GPR89A: variants seen among roughly 807,000 people sequenced by gnomAD.
GPR89A encodes G protein-coupled receptor 89A.
Under a neutral mutation model 52.0 loss-of-function variants are expected in GPR89A, and 16 were observed. The ratio of observed to expected loss-of-function variants is 0.31; its 90% confidence interval spans 0.21 to 0.47. The LOEUF (loss-of-function observed/expected upper bound fraction) is 0.47. Ranked by LOEUF, GPR89A falls within the 20% of genes least tolerant of loss-of-function variation. GPR89A has a pLI of 1.00. For synonymous variants in GPR89A, 55 were observed against 150.9 expected, an observed-to-expected ratio of 0.36 and a Z score of 4.66; for missense variants, 135 against 449.4, an observed-to-expected ratio of 0.30 and a Z score of 6.33.
intron 10 of GPR89A, among the ~76,000 whole-genome samples, chr1:145,661,893 T>A (rs1340929482): frequency 6.6e-6 from 1 of 151,340 alleles, no homozygotes; most frequent in Non-Finnish European, 1.5e-5. Flanking sequence ...TCTTCTTTGA[T>A]TCATGGGTGA....
At chr1:145,632,840 T>C (rs1553690119) in intron 7 of GPR89A, among the ~76,000 whole-genome samples, 1 of 152,132 alleles carries the variant, frequency 6.6e-6, no homozygotes, top group East Asian at 1.9e-4. Context: ...TTCCATAGGG[T>C]TGTGCTAATT....
intron 5 of GPR89A, among the ~76,000 whole-genome samples, chr1:145,628,630 T>C (rs1253975924): frequency 6.6e-6 from 1 of 151,988 alleles, no homozygotes; most frequent in Non-Finnish European, 1.5e-5. Flanking sequence ...CATAGGATTG[T>C]TATGAGGGTT....
chr1:145,632,492 A>T (rs1553690047), intron 7 of GPR89A, among the ~76,000 whole-genome samples: 1 of 152,150 alleles, frequency 6.6e-6, no homozygotes, highest in East Asian at 1.9e-4. Flanking sequence ...AAGTGAGAAC[A>T]TGCAGTATTT....
At chr1:145,614,017 G>C (rs1461129738) in intron 1 of GPR89A, among the ~76,000 whole-genome samples, 4 of 152,062 alleles carry the variant, frequency 2.6e-5, no homozygotes, top group Non-Finnish European at 5.9e-5. Context: ...GAACTCCTGG[G>C]CTCAAGCGAT....
In GPR89A at chr1:145,614,440, C is replaced by T. The variant is rs587668634; in HGVS notation, c.43-1794C>T. Among the ~76,000 whole-genome samples the T allele has an allele frequency of 1.2e-4, 18 of 152,198 alleles. No homozygotes were observed. The South Asian group carries it at 3.5e-3, about 30-fold the overall frequency. On this transcript the variant is annotated intron_variant, in intron 1 of 13. Coordinates refer to ENST00000313835, the MANE Select transcript of GPR89A (RefSeq NM_001097612.2). ...TAACCATCCTATTCATCTTTGTATCCTCAGCACTTAGCATAGCACGTAGGA... is the reference window on the plus strand; with the variant it reads ...TAACCATCCTATTCATCTTTGTATCTTCAGCACTTAGCATAGCACGTAGGA...
intron 10 of GPR89A, among the ~76,000 whole-genome samples, 167 bp from the exon 11 acceptor site, chr1:145,663,162 T>G (rs1457942774): frequency 6.6e-6 from 1 of 152,024 alleles, no homozygotes; most frequent in African/African-American, 2.4e-5. Flanking sequence ...TATATGAGTA[T>G]CCAAAATAGA....
intron 7 of GPR89A, among the ~76,000 whole-genome samples, chr1:145,638,412 AT>A (rs1650388969): frequency 7.4e-6 from 1 of 135,568 alleles, no homozygotes; most frequent in African/African-American, 3.0e-5. Flanking sequence ...AGGCAGGAGA[AT>A]GGCTTGAACC....
intron 10 of GPR89A, among the ~76,000 whole-genome samples, chr1:145,654,446 G>A (rs1334174742): frequency 2.7e-5 from 4 of 150,902 alleles, no homozygotes; most frequent in South Asian, 4.2e-4. Context: ...CTAGCTACTC[G>A]GGAGGCTGAG....
In GPR89A at chr1:145,629,175, G is replaced by A. The variant is rs587675162; in HGVS notation, c.416-1512G>A. 2.6e-5 allele frequency among the ~76,000 whole-genome samples: 4 copies of A among 152,214 alleles called. No homozygotes were observed. The East Asian group carries it at 7.7e-4, about 29-fold the overall frequency. ...CAATATCCCAGAACTCACATATAAG[G>A]ATGAGACAGTTCCCAGGGCCCAGAG... On this transcript the variant is annotated intron_variant, in intron 5 of 13. Coordinates refer to ENST00000313835, the MANE Select transcript of GPR89A (RefSeq NM_001097612.2).
At chr1:145,662,906 T>G (rs1652299201) in intron 10 of GPR89A, among the ~76,000 whole-genome samples, 1 of 151,008 alleles carries the variant, frequency 6.6e-6, no homozygotes, top group Non-Finnish European at 1.5e-5. Flanking sequence ...TTATTCCATT[T>G]GATATCGTTT....
intron 10 of GPR89A, among the ~76,000 whole-genome samples, chr1:145,657,448 C>G (rs1391421152): frequency 4.3e-4 from 64 of 149,628 alleles, no homozygotes; most frequent in Middle Eastern, 6.9e-3. Flanking sequence ...GTTTTCTTTT[C>G]TCATAATGTC....
chr1:145,643,106 G>A (rs587631654), intron 7 of GPR89A, among the ~76,000 whole-genome samples: 66 of 144,614 alleles, frequency 4.6e-4, no homozygotes, highest in African/African-American at 1.5e-3. Context: ...CATGTATTGC[G>A]TTCCAAACTC....
At chr1:145,611,777 A>C (rs1330085664) in intron 1 of GPR89A, among the ~76,000 whole-genome samples, 6 of 151,792 alleles carry the variant, frequency 4.0e-5, no homozygotes, top group Admixed American at 3.9e-4. Flanking sequence ...TTCATAAGTC[A>C]TATAAATATG....
intron 10 of GPR89A, among the ~76,000 whole-genome samples, chr1:145,654,346 G>A (rs1651665469): frequency 6.6e-6 from 1 of 151,872 alleles, no homozygotes; most frequent in Non-Finnish European, 1.5e-5. Flanking sequence ...GAGGTCAGAA[G>A]ATCGAGACCA....
intron 12 of GPR89A, among the ~76,000 whole-genome samples, chr1:145,667,987 G>C (rs1553696764): frequency 6.6e-6 from 1 of 152,172 alleles, no homozygotes; most frequent in Non-Finnish European, 1.5e-5. Context: ...TTGTAGTATA[G>C]CTTGAAGTCA....
chr1:145,664,448 A>C (rs1553696124), intron 11 of GPR89A, among the ~76,000 whole-genome samples: 3 of 151,992 alleles, frequency 2.0e-5, no homozygotes, highest in Non-Finnish European at 2.9e-5. Flanking sequence ...CCAGGAGTTC[A>C]AGACCAGCCT....
At chr1:145,656,053 G>A (rs1407595322) in intron 10 of GPR89A, among the ~76,000 whole-genome samples, 15 of 152,022 alleles carry the variant, frequency 9.9e-5, no homozygotes, top group Non-Finnish European at 2.1e-4. Context: ...CTAAAGAAGC[G>A]GTCTGGCCAC....
At chr1:145,655,455 G>A (rs1651748064) in intron 10 of GPR89A, among the ~76,000 whole-genome samples, 2 of 151,876 alleles carry the variant, frequency 1.3e-5, no homozygotes, top group South Asian at 4.2e-4. Flanking sequence ...TTCGATTTTT[G>A]AGGCTGCTGA....
At chr1:145,642,630 C>T (rs587628258) in intron 7 of GPR89A, among the ~76,000 whole-genome samples, 1 of 152,280 alleles carries the variant, frequency 6.6e-6, no homozygotes, top group Admixed American at 6.5e-5. Context: ...ACCATTGGTA[C>T]TATTTGTATT....
Sources: allele counts gnomAD v4.1 joint callset (sites outside exome capture counted in the v4.1 genomes callset), GRCh38; gene constraint gnomAD v4.1.1; transcripts MANE v1.5; gene names NCBI Gene and HGNC (gene_info 2026-07-23, HGNC 2026-07-21).